Variants in LAD1 observed in about 807,000 individuals in gnomAD.
LAD1 encodes the protein ladinin-1.
Under a neutral mutation model 54.2 loss-of-function variants are expected in LAD1, and 53 were observed. That is an observed-to-expected ratio of 0.98 (90% CI 0.78 to 1.23). LAD1 has a LOEUF of 1.23. LAD1 is among the 50% of genes most tolerant of loss of function. LAD1 has a pLI of 0.00. For missense variants in LAD1, 637 were observed against 653.3 expected, an observed-to-expected ratio of 0.98 and a Z score of 0.27; for synonymous variants, 231 against 257.7, an observed-to-expected ratio of 0.90 and a Z score of 0.99.
chr1:201,390,975 G>A, intron 1 of LAD1: 2 of 379,004 alleles, frequency 5.3e-6, no homozygotes, highest in Non-Finnish European at 1.0e-5. Context: ...GGATTCTTAG[G>A]TAATATCCAT....
At chr1:201,394,720 C>T (rs930555556) in intron 1 of LAD1, among the ~76,000 whole-genome samples, 6 of 152,224 alleles carry the variant, frequency 3.9e-5, no homozygotes, top group African/African-American at 1.2e-4. Context: ...GGCCACACCT[C>T]CAGCTCCCTC....
chr1:201,389,983 A>G (rs1662169493), intron 1 of LAD1, among the ~76,000 whole-genome samples: 1 of 152,022 alleles, frequency 6.6e-6, no homozygotes, highest in Non-Finnish European at 1.5e-5. Flanking sequence ...GCAGTGGCAC[A>G]ATCACAGCTC....
chr1:201,383,424 G>A (rs1157521535), intron 5 of LAD1, 35 bp from the exon 6 acceptor site: 1 of 1,604,710 alleles, frequency 6.2e-7, no homozygotes, highest in Admixed American at 1.7e-5. Context: ...CGAGCCAAGT[G>A]AGACACCCAG....
chr1:201,385,678 AC>A, intron 4 of LAD1, 22 bp downstream of exon 4: 1 of 1,569,474 alleles, frequency 6.4e-7, no homozygotes, highest in Non-Finnish European at 8.8e-7. Context: ...TGGCTCGCAG[AC>A]CAGGGTGCCC....
intron 1 of LAD1, among the ~76,000 whole-genome samples, chr1:201,398,486 C>T (rs565678238): frequency 6.6e-6 from 1 of 152,274 alleles, no homozygotes; most frequent in East Asian, 1.9e-4. Flanking sequence ...AAAATGCTCA[C>T]AGGGGGCCTT....
chr1:201,399,134 C>T (rs537478036), intron 1 of LAD1, 135 bp downstream of exon 1: 2 of 808,586 alleles, frequency 2.5e-6, no homozygotes, highest in African/African-American at 1.7e-5. Flanking sequence ...TCCTGTCTCC[C>T]GCGAGTCGCA....
intron 1 of LAD1, among the ~76,000 whole-genome samples, chr1:201,394,191 G>T (rs1312706912): frequency 1.3e-5 from 2 of 152,194 alleles, no homozygotes; most frequent in Admixed American, 1.3e-4. Flanking sequence ...AATTTCAGGG[G>T]TGCTGGGCTC....
At position 201,386,846 on chromosome 1, in the gene LAD1, C is replaced by T. The variant is rs1425223321; in HGVS notation, c.515G>A (p.Gly172Glu). Reference sequence around the variant, plus strand: ...CAAGACTGGGGACTTTTCTGGAACCCCTTTCTTCCTCTCTTCTGGCTCCCT... The same window carrying T: ...CAAGACTGGGGACTTTTCTGGAACCTCTTTCTTCCTCTCTTCTGGCTCCCT... ...VGREPEERKK[G>E]VPEKSPVLEK... is the part of the protein sequence containing the mutation. Residue 172 changes from glycine to glutamate, a missense_variant, in exon 3 of 10, where the codon GGG becomes GAG. By Grantham distance (98) the Gly-to-Glu change is moderately conservative. Transcript: ENST00000391967. 2.5e-6 allele frequency: 4 copies of T among 1,613,250 alleles called. No individual in the cohort carries two copies. The highest frequency in any genetic ancestry group is 3.4e-6 in the Non-Finnish European group (4 of 1,179,956).
intron 1 of LAD1, among the ~76,000 whole-genome samples, chr1:201,395,449 C>A (rs1027479132): frequency 6.6e-6 from 1 of 152,180 alleles, no homozygotes; most frequent in Non-Finnish European, 1.5e-5. Context: ...TCTAATACCC[C>A]TGGCATTCAT....
chr1:201,395,146 C>A (rs1314546071), intron 1 of LAD1, among the ~76,000 whole-genome samples: 1 of 152,160 alleles, frequency 6.6e-6, no homozygotes, highest in African/African-American at 2.4e-5. Flanking sequence ...TGCCTTCAAC[C>A]CTGACACCTG....
Position 201,382,640 on chromosome 1 carries a change from A to G in LAD1, c.1473+13T>C. On this transcript the variant is annotated intron_variant, in intron 8 of 9. Coordinates refer to ENST00000391967, the MANE Select transcript of LAD1 (RefSeq NM_005558.4). ...GGCTCCACAGTAAGAGACATCAGGGAGGGTGAGGATACCTGGGGGTCCTGA... is the reference window on the plus strand; with the variant it reads ...GGCTCCACAGTAAGAGACATCAGGGGGGGTGAGGATACCTGGGGGTCCTGA... The G allele has an allele frequency of 6.3e-7, 1 of 1,581,726 alleles. No individual in the cohort carries two copies. Among genetic ancestry groups the G allele is most frequent in the African/African-American group, 1.3e-5 (1 of 74,546 alleles).
Position 201,384,830 on chromosome 1 carries a change from T to G in LAD1, c.1137A>C (p.Lys379Asn), listed in dbSNP as rs1229804125. 1.9e-6 allele frequency: 3 copies of G among 1,613,782 alleles called. No individual in the cohort carries two copies. Among genetic ancestry groups the G allele is most frequent in the Non-Finnish European group, 2.5e-6 (3 of 1,179,992 alleles). The change falls in exon 5 of 10, where the codon AAA becomes AAC. Residue 379 changes from lysine to asparagine, a missense_variant. By Grantham distance (94) the Lys-to-Asn change is moderately conservative. Coordinates refer to ENST00000391967, the MANE Select transcript of LAD1 (RefSeq NM_005558.4). ...TTGTTTCCGAGTTTTCTTTCTTGGGTTTCATCTGAAATGAGAAGGAAAGGC... is the reference window on the plus strand; with the variant it reads ...TTGTTTCCGAGTTTTCTTTCTTGGGGTTCATCTGAAATGAGAAGGAAAGGC... ...SSPRTISFRM[K>N]PKKENSETTL...
At position 201,384,821 on chromosome 1, in the gene LAD1, T is replaced by C. The variant is rs781733156; in HGVS notation, c.1146A>G (p.Lys382=). The C allele has an allele frequency of 1.2e-6, 2 of 1,614,042 alleles. No individual in the cohort carries two copies. The highest frequency in any genetic ancestry group is 2.2e-5 in the East Asian group (1 of 44,886). ...RTISFRMKPK[K]ENSETTLTRS... ...GAGTTAGGGTTGTTTCCGAGTTTTC[T>C]TTCTTGGGTTTCATCTGAAATGAGA... is the stretch of plus-strand genomic sequence containing the variant. Residue 382 remains lysine (K), a synonymous_variant, in exon 5 of 10, where the codon AAA becomes AAG. Transcript: ENST00000391967.
At chr1:201,389,368 C>T (rs1662158356) in intron 1 of LAD1, 65 bp from the exon 2 acceptor site, 5 of 1,558,594 alleles carry the variant, frequency 3.2e-6, no homozygotes, top group African/African-American at 1.4e-5. Context: ...AGGCAGGCTC[C>T]TCTAGGGCTG....
chr1:201,399,111 A>C (rs1662359043), intron 1 of LAD1, among the ~76,000 whole-genome samples, 158 bp downstream of exon 1: 1 of 152,126 alleles, frequency 6.6e-6, no homozygotes, highest in South Asian at 2.1e-4. Flanking sequence ...AGGGGTCCCG[A>C]GTTTGGCCCC....
intron 1 of LAD1, among the ~76,000 whole-genome samples, chr1:201,390,574 G>A (rs939560095): frequency 1.5e-4 from 23 of 152,100 alleles, no homozygotes; most frequent in African/African-American, 4.6e-4. Context: ...CAAATCATAC[G>A]TCTATCAAAT....
chr1:201,393,249 A>G (rs1662225657), intron 1 of LAD1, among the ~76,000 whole-genome samples: 1 of 152,168 alleles, frequency 6.6e-6, no homozygotes, highest in South Asian at 2.1e-4. Flanking sequence ...GGGTGTTGGC[A>G]TGAACAGGGG....
At chr1:201,388,582 C>G (rs912675360) in intron 2 of LAD1, among the ~76,000 whole-genome samples, 6 of 145,550 alleles carry the variant, frequency 4.1e-5, no homozygotes, top group African/African-American at 7.8e-5. Context: ...ACTCAGGAGG[C>G]TGAGGCAGAA....
rs377686892 is a variant in LAD1, at chr1:201,386,496, G to T, written c.865C>A (p.Gln289Lys). ...GCTGGCGGCTCCTGCGCCAGGGGCT[G>T]CTCTGAGGCTGTGGCCCTCTTTGGG... ...PAPKRATASE[Q>K]PLAQEPPASG... Residue 289 changes from glutamine to lysine, a missense_variant, in exon 3 of 10, where the codon CAG (glutamine) becomes AAG (lysine). Transcript: ENST00000391967. The T allele has an allele frequency of 4.4e-6, 7 of 1,580,126 alleles. No individual in the cohort carries two copies. Among genetic ancestry groups the T allele is most frequent in the Middle Eastern group, 1.7e-4 (1 of 5,890 alleles).
Sources: gnomAD v4.1 joint callset for allele counts (sites outside exome capture counted in the v4.1 genomes callset) on GRCh38, gnomAD v4.1.1 for gene constraint, MANE v1.5 for transcripts, NCBI Gene and HGNC (gene_info 2026-07-23, HGNC 2026-07-21) for gene names.